Variants in PEBP4 observed in about 807,000 individuals in gnomAD.
The protein encoded by PEBP4 is phosphatidylethanolamine binding protein 4, also known as phosphatidylethanolamine-binding protein 4.
In PEBP4, 22 loss-of-function variants were observed where a neutral mutation model predicts 23.9. That is an observed-to-expected ratio of 0.92 (90% CI 0.66 to 1.31). The LOEUF (loss-of-function observed/expected upper bound fraction) is 1.31. Ranked by LOEUF, PEBP4 falls within the 40% of genes most tolerant of loss-of-function variation. PEBP4 has a pLI of 0.00. For missense variants in PEBP4, 324 were observed against 281.7 expected (o/e 1.15, Z -1.07); for synonymous variants, 112 against 99.3 (o/e 1.13, Z -0.76).
intron 3 of PEBP4, among the ~76,000 whole-genome samples, chr8:22,848,541 G>A (rs1391065078): frequency 2.6e-5 from 4 of 152,184 alleles, no homozygotes; most frequent in Non-Finnish European, 5.9e-5. Flanking sequence ...CAGGAGCTGT[G>A]CTGTCTGACG....
At chr8:22,847,532 G>A (rs993723754) in intron 3 of PEBP4, among the ~76,000 whole-genome samples, 5 of 152,100 alleles carry the variant, frequency 3.3e-5, no homozygotes, top group Admixed American at 6.5e-5. Flanking sequence ...GGGTAACTTC[G>A]GGTCTCCTCC....
intron 4 of PEBP4, among the ~76,000 whole-genome samples, chr8:22,760,591 C>T (rs1805487579): frequency 6.6e-6 from 1 of 152,030 alleles, no homozygotes; most frequent in Admixed American, 6.6e-5. Context: ...GTTGAGTGGA[C>T]AACGTGTGTG....
At chr8:22,783,465 G>T (rs12056539) in intron 4 of PEBP4, among the ~76,000 whole-genome samples, 1 of 152,328 alleles carries the variant, frequency 6.6e-6, no homozygotes, top group East Asian at 1.9e-4. Context: ...AGGCAGTGGC[G>T]CAGCTGCTCC....
chr8:22,900,220 T>C (rs1437813569), intron 3 of PEBP4, among the ~76,000 whole-genome samples: 1 of 151,958 alleles, frequency 6.6e-6, no homozygotes, highest in Non-Finnish European at 1.5e-5. Context: ...CACAGCACAG[T>C]TAAGAATGGG....
chr8:22,787,902 G>A (rs1806058418), intron 4 of PEBP4, among the ~76,000 whole-genome samples: 1 of 152,180 alleles, frequency 6.6e-6, no homozygotes, highest in Admixed American at 6.5e-5. Context: ...CAGATGAAGG[G>A]GTCGAGGTGA....
chr8:22,726,919 T>C (rs1458910701), intron 5 of PEBP4, among the ~76,000 whole-genome samples: 1 of 152,206 alleles, frequency 6.6e-6, no homozygotes, highest in Non-Finnish European at 1.5e-5. Flanking sequence ...GATGGCCCCC[T>C]GCACTGTGAA....
At chr8:22,854,136 A>G (rs1807595953) in intron 3 of PEBP4, among the ~76,000 whole-genome samples, 1 of 152,222 alleles carries the variant, frequency 6.6e-6, no homozygotes, top group Non-Finnish European at 1.5e-5. Context: ...AGGACTGGAT[A>G]TGGCCCTACC....
chr8:22,929,686 T>G (rs1195935800), upstream of PEBP4, among the ~76,000 whole-genome samples: 4 of 152,178 alleles, frequency 2.6e-5, no homozygotes, highest in Non-Finnish European at 5.9e-5. Flanking sequence ...GTTGAACCTG[T>G]GGAAACTGGG....
intron 4 of PEBP4, among the ~76,000 whole-genome samples, chr8:22,761,021 G>A (rs981799059): frequency 1.3e-5 from 2 of 152,160 alleles, no homozygotes; most frequent in Admixed American, 1.3e-4. Context: ...CAGAGGAAGC[G>A]AGCTCTAGGG....
chr8:22,727,701 T>C (rs747415199), intron 4 of PEBP4, among the ~76,000 whole-genome samples: 16 of 152,064 alleles, frequency 1.1e-4, no homozygotes, highest in South Asian at 6.2e-4. Flanking sequence ...CTTTAGAATA[T>C]TAAGCAATGG....
At chr8:22,860,956 G>A (rs150158652) in intron 3 of PEBP4, among the ~76,000 whole-genome samples, 11 of 152,292 alleles carry the variant, frequency 7.2e-5, no homozygotes, top group Non-Finnish European at 1.5e-4. Flanking sequence ...TTGAGGACCC[G>A]GGCCACATCT....
At chr8:22,764,172 A>G (rs1368568524) in intron 4 of PEBP4, among the ~76,000 whole-genome samples, 1 of 152,182 alleles carries the variant, frequency 6.6e-6, no homozygotes, top group African/African-American at 2.4e-5. Flanking sequence ...TATAGCACCC[A>G]TTACTCAGGA....
chr8:22,802,557 G>T (rs1349778905), intron 4 of PEBP4, among the ~76,000 whole-genome samples: 1 of 152,226 alleles, frequency 6.6e-6, no homozygotes. Context: ...CCAACCACAG[G>T]TCACAAATCA....
At chr8:22,740,335 G>A (rs544483752) in intron 4 of PEBP4, among the ~76,000 whole-genome samples, 2 of 152,182 alleles carry the variant, frequency 1.3e-5, no homozygotes, top group African/African-American at 2.4e-5. Flanking sequence ...GCTCTTTTCC[G>A]AGGGACTGAT....
At chr8:22,925,001 T>C in intron 2 of PEBP4, 4 of 985,390 alleles carry the variant, frequency 4.1e-6, no homozygotes, top group Non-Finnish European at 4.8e-6. Context: ...AGGAGTGCCT[T>C]CTCTGGGGGA....
Position 22,800,953 on chromosome 8 carries a change from C to A in PEBP4, c.357+16684G>T, listed in dbSNP as rs568381441. Among the ~76,000 whole-genome samples the A allele has an allele frequency of 9.9e-4, 150 of 152,152 alleles. 1 individual carries two copies. Among genetic ancestry groups the A allele is most frequent in the Non-Finnish European group, 1.8e-3 (120 of 67,986 alleles). Reference sequence around the variant, plus strand: ...TCTTGGACACTTTCCTCCTTGCCTACCCCAATCCTACCCACCTTCACGGCC... The same window carrying A: ...TCTTGGACACTTTCCTCCTTGCCTAACCCAATCCTACCCACCTTCACGGCC... On this transcript the variant is annotated intron_variant, in intron 4 of 6. Coordinates refer to ENST00000256404, the MANE Select transcript of PEBP4 (RefSeq NM_144962.3).
At chr8:22,871,407 G>C (rs369311591) in intron 3 of PEBP4, among the ~76,000 whole-genome samples, 2 of 151,950 alleles carry the variant, frequency 1.3e-5, no homozygotes, top group African/African-American at 2.4e-5. Flanking sequence ...TTAGCTCCTC[G>C]TCCTGTACTA....
chr8:22,862,744 T>C lies in PEBP4; in HGVS notation c.259-45009A>G, dbSNP rs1807803944. 3.3e-5 allele frequency among the ~76,000 whole-genome samples: 5 copies of C among 151,102 alleles called. No homozygotes were observed. The South Asian group carries it at 1.0e-3, about 32-fold the overall frequency. The stretch of plus-strand genomic sequence containing the variant: ...CACAACCTCCCTATGGCCACACAGC[T>C]AGTAGGAGTGGAGGTACTGAGGTGT... On this transcript the variant is annotated intron_variant, in intron 3 of 6. Transcript: ENST00000256404.
intron 2 of PEBP4, among the ~76,000 whole-genome samples, chr8:22,927,298 C>A (rs1189669816): frequency 1.3e-5 from 2 of 152,078 alleles, no homozygotes; most frequent in Non-Finnish European, 2.9e-5. Flanking sequence ...CCTCCTGCCC[C>A]CACAAAGACC....
Sources: gnomAD v4.1 joint callset for allele counts (sites outside exome capture counted in the v4.1 genomes callset) on GRCh38, gnomAD v4.1.1 for gene constraint, MANE v1.5 for transcripts, NCBI Gene and HGNC (gene_info 2026-07-23, HGNC 2026-07-21) for gene names.